The following CLEC16A variants were observed in gnomAD, a reference collection of about 807,000 sequenced individuals.
The protein encoded by CLEC16A is C-type lectin domain containing 16A, also known as protein CLEC16A.
A neutral mutation model predicts 109.5 loss-of-function variants in CLEC16A; 51 were observed. The observed-to-expected ratio is 0.47, with a 90% confidence interval of 0.37 to 0.59. The LOEUF is 0.59. CLEC16A is among the 20% of genes least tolerant of loss of function. The pLI, the probability that CLEC16A is intolerant of heterozygous loss-of-function variation, is 0.00. For synonymous variants in CLEC16A, 673 were observed against 564.2 expected (o/e 1.19, Z -2.73); for missense variants, 1,339 against 1,394.0 (o/e 0.96, Z 0.63).
intron 11 of CLEC16A, among the ~76,000 whole-genome samples, chr16:11,007,152 T>G (rs1243460617): frequency 2.6e-5 from 4 of 152,058 alleles, no homozygotes; most frequent in African/African-American, 7.2e-5. Context: ...TGGACTACTG[T>G]TTTTTTGCCT....
rs200623353 is a variant in CLEC16A at position 11,003,195 on chromosome 16, A to G, written c.1193A>G (p.Glu398Gly). 1 of 1,613,498 alleles carries G rather than the reference A, an allele frequency of 6.2e-7. No individual in the cohort carries two copies. The change falls in exon 11 of 24, where the codon GAA becomes GGA. Residue 398 changes from glutamate (E) to glycine (G), a missense_variant. Glu to Gly is a moderately conservative substitution (Grantham distance 98). This residue lies in a region of CLEC16A where 1,061 missense variants were observed against 1,006.8 expected (regional missense o/e 1.05). Coordinates refer to ENST00000409790, the MANE Select transcript of CLEC16A (RefSeq NM_015226.3). ...AGACCCAACTACAAAAACGTTGGGG[A>G]AGAAGAAGATGAGGAGAAAGGGCCC... ...QKRPNYKNVG[E>G]EEDEEKGPTE...
At chr16:11,109,140 G>A in intron 19 of CLEC16A, among the ~76,000 whole-genome samples, 1 of 146,926 alleles carries the variant, frequency 6.8e-6, no homozygotes, top group African/African-American at 2.5e-5. Context: ...AAAACTGGGA[G>A]CAGGGGCCTT....
intron 10 of CLEC16A, among the ~76,000 whole-genome samples, chr16:10,997,239 G>A (rs2044383946): frequency 6.6e-6 from 1 of 152,220 alleles, no homozygotes; most frequent in Non-Finnish European, 1.5e-5. Flanking sequence ...TGGGATTACA[G>A]GCATGAGCCA....
intron 11 of CLEC16A, among the ~76,000 whole-genome samples, chr16:11,014,620 T>A (rs1245560797): frequency 6.6e-6 from 1 of 152,216 alleles, no homozygotes; most frequent in Non-Finnish European, 1.5e-5. Context: ...ATTAAACTAT[T>A]GCTTCAGTCC....
At chr16:11,111,428 T>G (rs936229910) in intron 19 of CLEC16A, among the ~76,000 whole-genome samples, 22 of 152,196 alleles carry the variant, frequency 1.4e-4, no homozygotes, top group African/African-American at 5.1e-4. Flanking sequence ...TTTTTATGAC[T>G]TTGCCTCAGA....
chr16:11,178,459 C>A lies in CLEC16A; in HGVS notation c.2931C>A (p.Ala977=). Residue 977 remains alanine, a synonymous_variant, in exon 24 of 24, where the codon GCC becomes GCA. Transcript: ENST00000409790. The surrounding 1 kb of genome is among the most constrained non-coding windows in gnomAD (Gnocchi z 6.5). ...NVARSAAVET[A]SLSPSLVPAR... ...CCAGGAGCGCAGCCGTGGAGACAGC[C>A]AGCCTGTCCCCCAGCCTCGTCCCTG... The A allele has an allele frequency of 6.2e-7, 1 of 1,613,626 alleles. No homozygotes were observed. The highest frequency in any genetic ancestry group is 8.5e-7 in the Non-Finnish European group (1 of 1,179,906).
At chr16:10,991,316 G>A (rs2043991550) in intron 10 of CLEC16A, among the ~76,000 whole-genome samples, 1 of 149,708 alleles carries the variant, frequency 6.7e-6, no homozygotes. Flanking sequence ...TCTGGAGGAA[G>A]AGCATTTTGG....
At chr16:11,007,023 T>G (rs2045064993) in intron 11 of CLEC16A, among the ~76,000 whole-genome samples, 2 of 152,174 alleles carry the variant, frequency 1.3e-5, no homozygotes, top group African/African-American at 4.8e-5. Context: ...GTGCTTGTTT[T>G]TTAGCTTGCC....
At chr16:11,004,605 GTGACTGGGAGCTCATT>G (rs1366738715) in intron 11 of CLEC16A, among the ~76,000 whole-genome samples, 1 of 152,182 alleles carries the variant, frequency 6.6e-6, no homozygotes, top group Non-Finnish European at 1.5e-5. Flanking sequence ...CACTCGTTCA[GTGACTGGGAGCTCATT>G]TGCTTTTGGG....
Position 11,003,265 on chromosome 16 carries a change from G to T in CLEC16A, c.1263G>T (p.Glu421Asp), listed in dbSNP as rs770762293. Residue 421 changes from glutamate (E) to aspartate (D), a missense_variant, in exon 11 of 24, where the codon GAG (glutamate) becomes GAT (aspartate). By Grantham distance (45) the Glu-to-Asp change is conservative (BLOSUM62 2). Around this residue, in one of 3 missense-constraint regions of CLEC16A, gnomAD observed 1,061 missense variants for 1,006.8 expected, o/e 1.05. Transcript: ENST00000409790. ...QEDAEKAKGT[E>D]GGSKGIKTSG... ...ACGCCGAGAAGGCTAAAGGTACAGA[G>T]GGTGGTTCAAAAGGCATCAAGACGA... is the stretch of plus-strand genomic sequence containing the variant. 4 of 1,612,674 alleles carry T rather than the reference G, an allele frequency of 2.5e-6. No individual in the cohort carries two copies. Among genetic ancestry groups the T allele is most frequent in the Non-Finnish European group, 3.4e-6 (4 of 1,179,750 alleles).
rs138880834 is a variant in CLEC16A, at chr16:11,149,958, C to G, written c.2642-16430C>G. ...ACAGAACAGAGCCACCACCCCTTCTCTGCAATTCTGAAACCCAAACAGCTC... is the reference window on the plus strand; with the variant it reads ...ACAGAACAGAGCCACCACCCCTTCTGTGCAATTCTGAAACCCAAACAGCTC... On this transcript the variant is annotated intron_variant, in intron 22 of 23. Transcript: ENST00000409790. 14 of 152,350 alleles carry G rather than the reference C, an allele frequency of 9.2e-5. No homozygotes were observed. In the East Asian group the frequency reaches 2.7e-3, roughly 29 times the overall value. 9.4% of individuals were successfully genotyped at this position (152,350 alleles called of 1,614,324 possible). A position where few individuals can be genotyped will look rare whatever the true frequency, so the allele number is the denominator to read the frequency against.
chr16:10,985,218 A>ATATATAT (rs58768192), intron 10 of CLEC16A, among the ~76,000 whole-genome samples: 1,348 of 123,506 alleles, frequency 0.011, 12 homozygotes, highest in African/African-American at 0.031. Flanking sequence ...AAAAAAAAAA[A>ATATATAT]AAATATATAT....
intron 19 of CLEC16A, among the ~76,000 whole-genome samples, chr16:11,091,569 A>G (rs1488310172): frequency 6.6e-6 from 1 of 152,210 alleles, no homozygotes; most frequent in Non-Finnish European, 1.5e-5. Flanking sequence ...GGAGATGGGT[A>G]GAGTTAGTGG....
intron 22 of CLEC16A, among the ~76,000 whole-genome samples, chr16:11,143,071 C>T (rs186397019): frequency 6.6e-6 from 1 of 152,204 alleles, no homozygotes; most frequent in Non-Finnish European, 1.5e-5. Context: ...CTTGGCCTCC[C>T]AAAGTGCAGG....
At chr16:11,014,430 C>G (rs759708043) in intron 11 of CLEC16A, among the ~76,000 whole-genome samples, 2 of 152,172 alleles carry the variant, frequency 1.3e-5, no homozygotes, top group African/African-American at 2.4e-5. Flanking sequence ...CAGTTGCATA[C>G]TTCCAGAGGT....
intron 13 of CLEC16A, chr16:11,027,328 T>G: frequency 7.0e-7 from 1 of 1,432,402 alleles, no homozygotes; most frequent in Non-Finnish European, 9.8e-7. Flanking sequence ...GTGAGTTTAC[T>G]GGTGCAGAGA....
intron 22 of CLEC16A, among the ~76,000 whole-genome samples, chr16:11,147,736 G>C (rs1464595460): frequency 1.3e-5 from 2 of 152,152 alleles, no homozygotes; most frequent in East Asian, 3.8e-4. Context: ...CAACTTGTCA[G>C]ACTGTCACAA....
At chr16:11,127,644 G>A (rs527793025) in intron 22 of CLEC16A, among the ~76,000 whole-genome samples, 1 of 152,270 alleles carries the variant, frequency 6.6e-6, no homozygotes, top group East Asian at 1.9e-4. Flanking sequence ...AAGACAAGGC[G>A]GATTGCTTGA....
chr16:11,140,770 G>C (rs948941114), intron 22 of CLEC16A, among the ~76,000 whole-genome samples: 1 of 152,174 alleles, frequency 6.6e-6, no homozygotes, highest in South Asian at 2.1e-4. Context: ...CAGCCCTGCC[G>C]AGGAAGCCAT....
Sources: allele counts gnomAD v4.1 joint callset (sites outside exome capture counted in the v4.1 genomes callset), GRCh38; gene constraint gnomAD v4.1.1; regional missense constraint gnomAD v4.1.1; non-coding constraint Gnocchi (gnomAD v3.1); transcripts MANE v1.5; gene names NCBI Gene and HGNC (gene_info 2026-07-23, HGNC 2026-07-21).